RPRD2: variants seen among roughly 807,000 people sequenced by gnomAD.
The protein encoded by RPRD2 is regulation of nuclear pre-mRNA domain containing 2.
RPRD2 carries 12 observed loss-of-function variants against 104.4 expected under a neutral mutation model. The observed-to-expected ratio is 0.11, with a 90% CI of 0.07 to 0.19. The LOEUF is 0.19. Among genes scored for constraint, RPRD2 ranks in the 10% least tolerant of loss-of-function variants. The pLI is 1.00. For synonymous variants in RPRD2, 714 were observed against 684.9 expected, an observed-to-expected ratio of 1.04 and a Z score of -0.66; for missense variants, 1,543 against 1,790.1, an observed-to-expected ratio of 0.86 and a Z score of 2.49.
rs1572322502 is a variant in RPRD2, at chr1:150,364,361, A to G, written c.-354A>G. On this transcript the variant is annotated 5_prime_UTR_variant, in exon 1 of 11. Transcript: ENST00000369068. ...AGGGCCTTAGCACTGAGAGCCGAAAAGTATAAAACGATTAGTTTCGGCGTC... is the reference window on the plus strand; with the variant it reads ...AGGGCCTTAGCACTGAGAGCCGAAAGGTATAAAACGATTAGTTTCGGCGTC... 2.0e-5 allele frequency among the ~76,000 whole-genome samples: 3 copies of G among 152,164 alleles called. No individual in the cohort carries two copies. In the East Asian group the frequency reaches 5.8e-4, roughly 29 times the overall value.
At chr1:150,446,919 T>C (rs112272272) in intron 7 of RPRD2, among the ~76,000 whole-genome samples, 7,145 of 141,808 alleles carry the variant, frequency 0.05, 438 homozygotes, top group African/African-American at 0.14. Flanking sequence ...CACAGCAACC[T>C]CCGCCTCCCG....
chr1:150,392,710 A>G (rs183040718), intron 1 of RPRD2, among the ~76,000 whole-genome samples: 1 of 152,154 alleles, frequency 6.6e-6, no homozygotes, highest in Non-Finnish European at 1.5e-5. Context: ...GGGCCTGGTA[A>G]CAAGTACCCG....
chr1:150,423,651 A>C (rs1261369386), intron 2 of RPRD2, among the ~76,000 whole-genome samples: 2 of 152,126 alleles, frequency 1.3e-5, no homozygotes, highest in East Asian at 3.8e-4. Flanking sequence ...GAAAATTTGA[A>C]ATGCAAAATG....
At chr1:150,394,734 A>T (rs782706833) in intron 1 of RPRD2, among the ~76,000 whole-genome samples, 1 of 152,056 alleles carries the variant, frequency 6.6e-6, no homozygotes, top group Non-Finnish European at 1.5e-5. Context: ...GGTGCACACC[A>T]CCATGCCTGG....
At chr1:150,403,654 TA>T (rs1291196996) in intron 1 of RPRD2, among the ~76,000 whole-genome samples, 1 of 141,300 alleles carries the variant, frequency 7.1e-6, no homozygotes, top group African/African-American at 2.8e-5. Context: ...TTTTACCCAA[TA>T]TTTTTTTTTG....
At chr1:150,392,234 C>T (rs1176162888) in intron 1 of RPRD2, among the ~76,000 whole-genome samples, 1 of 151,846 alleles carries the variant, frequency 6.6e-6, no homozygotes, top group Admixed American at 6.6e-5. Flanking sequence ...GGGGTGGGTG[C>T]AGTGGCTCAC....
intron 9 of RPRD2, 149 bp from the exon 10 acceptor site, chr1:150,464,378 T>C: frequency 1.8e-6 from 1 of 548,020 alleles, no homozygotes; most frequent in Non-Finnish European, 3.1e-6. Context: ...TTTTTTTTTT[T>C]TGTACATGTC....
chr1:150,465,834 A>T (rs1017993572), intron 10 of RPRD2, among the ~76,000 whole-genome samples: 2 of 146,616 alleles, frequency 1.4e-5, no homozygotes, highest in East Asian at 4.2e-4. Context: ...TGAGGCGGGC[A>T]GATCACCTAA....
Position 150,471,325 on chromosome 1 carries a change from G to A in RPRD2, c.2377G>A (p.Gly793Ser). The A allele has an allele frequency of 6.2e-7, 1 of 1,613,368 alleles. No individual in the cohort carries two copies. Among genetic ancestry groups the A allele is most frequent in the Non-Finnish European group, 8.5e-7 (1 of 1,179,790 alleles). ...SNSVSTYRPF[G>S]LGSESPYKQP... ...TTCTGTATCTACATATCGACCCTTT[G>A]GTCTGGGCAGTGAATCTCCCTATAA... The change falls in exon 11 of 11, where the codon GGT becomes AGT. Residue 793 changes from glycine to serine, a missense_variant. By Grantham distance (56) the Gly-to-Ser change is moderately conservative. This residue lies in a region of RPRD2 where 880 missense variants were observed against 885.6 expected (regional missense o/e 0.99). Transcript: ENST00000369068. The surrounding 1 kb of genome is among the most constrained non-coding windows in gnomAD (Gnocchi z 5.3).
chr1:150,395,367 G>A (rs1181116844), intron 1 of RPRD2, among the ~76,000 whole-genome samples: 1 of 145,816 alleles, frequency 6.9e-6, no homozygotes, highest in African/African-American at 2.5e-5. Context: ...GTATTCCATT[G>A]TGTGTGTGTG....
At chr1:150,446,083 G>GA in intron 6 of RPRD2, 143 bp from the exon 7 acceptor site, 1 of 420,400 alleles carries the variant, frequency 2.4e-6, no homozygotes, top group Non-Finnish European at 4.1e-6. Context: ...AAAAAAAAAA[G>GA]AAAGAAACTA....
intron 4 of RPRD2, among the ~76,000 whole-genome samples, chr1:150,442,511 C>T (rs1666472685): frequency 6.6e-6 from 1 of 152,130 alleles, no homozygotes; most frequent in Admixed American, 6.6e-5. Flanking sequence ...ATGTGATAGG[C>T]TGCTGTGGGC....
At chr1:150,365,846 C>T (rs1145583) in intron 1 of RPRD2, among the ~76,000 whole-genome samples, 47,811 of 152,022 alleles carry the variant, frequency 0.31, 8,553 homozygotes, top group Non-Finnish European at 0.4. Context: ...CTGCCTCGGC[C>T]TCCCAAAGTG....
rs1323326014 is a variant in RPRD2 at position 150,471,666 on chromosome 1, C to G, written c.2718C>G (p.Leu906=). The G allele has an allele frequency of 1.2e-6, 2 of 1,613,916 alleles. No individual in the cohort carries two copies. The highest frequency in any genetic ancestry group is 1.7e-6 in the Non-Finnish European group (2 of 1,179,872). Residue 906 remains leucine, a synonymous_variant, in exon 11 of 11, where the codon CTC becomes CTG. Transcript: ENST00000369068. This position sits in a 1 kb window ranked among gnomAD's most constrained non-coding sequence, Gnocchi z 5.3. ...ACTCTAGTGAGAACTGTGACCGTCTCTCATCTTCCCCTGGGCTATTTGGTG... is the reference window on the plus strand; with the variant it reads ...ACTCTAGTGAGAACTGTGACCGTCTGTCATCTTCCCCTGGGCTATTTGGTG... ...LLDSSENCDR[L]SSSPGLFGAF...
intron 6 of RPRD2, among the ~76,000 whole-genome samples, chr1:150,444,879 A>G (rs1447501691): frequency 1.3e-5 from 2 of 152,186 alleles, no homozygotes; most frequent in African/African-American, 4.8e-5. Flanking sequence ...TTTGGCACCA[A>G]TTTTATTCCT....
At chr1:150,466,457 G>A (rs1163267364) in intron 10 of RPRD2, among the ~76,000 whole-genome samples, 2 of 150,922 alleles carry the variant, frequency 1.3e-5, no homozygotes, top group Non-Finnish European at 2.9e-5. Flanking sequence ...GCTAAGGCAG[G>A]AGGATCACTT....
At chr1:150,439,362 A>G (rs1666252414) in intron 2 of RPRD2, among the ~76,000 whole-genome samples, 1 of 151,858 alleles carries the variant, frequency 6.6e-6, no homozygotes, top group South Asian at 2.1e-4. Flanking sequence ...AAATATTGCA[A>G]TAAAGCATGT....
chr1:150,452,161 AG>A, intron 7 of RPRD2, among the ~76,000 whole-genome samples: 3 of 77,774 alleles, frequency 3.9e-5, no homozygotes, highest in African/African-American at 1.7e-4. Context: ...AAAAAAAAAG[AG>A]AGAGAGAGAA....
At chr1:150,469,368 C>T (rs1238759353) in intron 10 of RPRD2, among the ~76,000 whole-genome samples, 1 of 152,132 alleles carries the variant, frequency 6.6e-6, no homozygotes, top group Admixed American at 6.5e-5. Context: ...TAACCTTGAA[C>T]TGGGCACAAG....
Sources: allele counts gnomAD v4.1 joint callset (sites outside exome capture counted in the v4.1 genomes callset), GRCh38; gene constraint gnomAD v4.1.1; regional missense constraint gnomAD v4.1.1; non-coding constraint Gnocchi (gnomAD v3.1); transcripts MANE v1.5; gene names NCBI Gene and HGNC (gene_info 2026-07-23, HGNC 2026-07-21).